DCDC1: variants seen among roughly 807,000 people sequenced by gnomAD.
DCDC1 encodes doublecortin domain-containing protein 1.
Under a neutral mutation model 178.3 loss-of-function variants are expected in DCDC1, and 200 were observed. The ratio of observed to expected loss-of-function variants is 1.12; its 90% CI spans 1.00 to 1.26. The LOEUF (loss-of-function observed/expected upper bound fraction) is 1.26. DCDC1 is among the 50% of genes most tolerant of loss of function. The pLI, the probability that DCDC1 is intolerant of heterozygous loss-of-function variation, is 0.00. For missense variants in DCDC1, 1,983 were observed against 1,749.2 expected (o/e 1.13, Z -2.38); for synonymous variants, 690 against 604.8 (o/e 1.14, Z -2.07).
intron 9 of DCDC1, among the ~76,000 whole-genome samples, chr11:31,221,858 T>C (rs548327454): frequency 6.6e-6 from 1 of 152,272 alleles, no homozygotes; most frequent in East Asian, 1.9e-4. Context: ...TTCTTTCAAT[T>C]CATCTCTCTC....
chr11:31,261,761 T>G (rs549819183), intron 8 of DCDC1, among the ~76,000 whole-genome samples: 56 of 152,336 alleles, frequency 3.7e-4, no homozygotes, highest in African/African-American at 1.2e-3. Context: ...GTTGACCATC[T>G]GTAGGAATAT....
At chr11:31,040,693 T>C (rs1422464231) in intron 20 of DCDC1, among the ~76,000 whole-genome samples, 1 of 152,202 alleles carries the variant, frequency 6.6e-6, no homozygotes, top group Non-Finnish European at 1.5e-5. Context: ...CTGAGAAATG[T>C]TGGTGCTAAA....
chr11:30,948,989 C>T (rs561990583), intron 21 of DCDC1, among the ~76,000 whole-genome samples: 36 of 152,192 alleles, frequency 2.4e-4, no homozygotes, highest in African/African-American at 7.7e-4. Flanking sequence ...GGCAACAAAG[C>T]CAAAATAGAC....
chr11:31,363,262 C>A (rs1951797905), intron 1 of DCDC1, among the ~76,000 whole-genome samples: 1 of 152,028 alleles, frequency 6.6e-6, no homozygotes, highest in East Asian at 1.9e-4. Flanking sequence ...AGTGAGCACA[C>A]AACATTTTAT....
At chr11:30,885,701 T>C (rs754249808) in intron 36 of DCDC1, among the ~76,000 whole-genome samples, 55 of 152,232 alleles carry the variant, frequency 3.6e-4, no homozygotes, top group African/African-American at 1.3e-3. Flanking sequence ...TCTTCATGTA[T>C]ACAACAGGTG....
At chr11:31,168,106 T>C (rs994311975) in intron 9 of DCDC1, among the ~76,000 whole-genome samples, 3 of 152,208 alleles carry the variant, frequency 2.0e-5, no homozygotes, top group African/African-American at 7.2e-5. Context: ...CCTTTGTGAA[T>C]CATGCTTTGA....
intron 11 of DCDC1, among the ~76,000 whole-genome samples, chr11:31,115,984 G>A (rs894590237): frequency 8.9e-6 from 1 of 111,820 alleles, no homozygotes; most frequent in South Asian, 2.7e-4. Flanking sequence ...GTGGCAGTGG[G>A]GGGGGGGGGG....
chr11:31,193,527 A>G (rs1352271686), intron 9 of DCDC1, among the ~76,000 whole-genome samples: 1 of 152,058 alleles, frequency 6.6e-6, no homozygotes, highest in Non-Finnish European at 1.5e-5. Flanking sequence ...TTTTGGTCCC[A>G]CTTCTGTTTC....
Position 30,947,857 on chromosome 11 carries a change from A to G in DCDC1, c.2715+4588T>C, listed in dbSNP as rs145727588. Among the ~76,000 whole-genome samples, 997 of 152,190 alleles carry G rather than the reference A, an allele frequency of 6.6e-3. 7 individuals are homozygous for G. Among genetic ancestry groups the G allele is most frequent in the African/African-American group, 0.023 (953 of 41,534 alleles). On this transcript the variant is annotated intron_variant, in intron 21 of 38. Coordinates refer to ENST00000684477, the MANE Select transcript of DCDC1 (RefSeq NM_001387274.1). ...ATAACTAGAATGCATAAGCTAAAAC[A>G]ACTCAATAGGAAAAAAAAATCAAAT...
chr11:31,134,043 T>C (rs1370450036), intron 10 of DCDC1, among the ~76,000 whole-genome samples: 1 of 152,208 alleles, frequency 6.6e-6, no homozygotes, highest in African/African-American at 2.4e-5. Context: ...AGAACCCTTC[T>C]GAGATGAGAA....
chr11:31,245,898 T>C (rs934999101), intron 8 of DCDC1, among the ~76,000 whole-genome samples: 1 of 151,968 alleles, frequency 6.6e-6, no homozygotes, highest in Non-Finnish European at 1.5e-5. Flanking sequence ...TCATCACTGA[T>C]AAGAAGTGTG....
intron 9 of DCDC1, among the ~76,000 whole-genome samples, chr11:31,218,402 C>T (rs948727789): frequency 1.3e-5 from 2 of 152,104 alleles, no homozygotes; most frequent in African/African-American, 4.8e-5. Flanking sequence ...ATCCAACTTT[C>T]TATGTTTCCA....
chr11:31,075,605 G>GT (rs1956818369), intron 18 of DCDC1, among the ~76,000 whole-genome samples: 1 of 152,034 alleles, frequency 6.6e-6, no homozygotes, highest in Non-Finnish European at 1.5e-5. Flanking sequence ...AGTGTAACAA[G>GT]TATCTTGTTT....
chr11:31,172,771 C>T (rs997366024), intron 9 of DCDC1, among the ~76,000 whole-genome samples: 1 of 152,102 alleles, frequency 6.6e-6, no homozygotes, highest in African/African-American at 2.4e-5. Context: ...GATCTTCATC[C>T]TCATCTTCCT....
chr11:30,898,058 A>G (rs902024562), intron 34 of DCDC1, among the ~76,000 whole-genome samples: 1 of 152,176 alleles, frequency 6.6e-6, no homozygotes, highest in African/African-American at 2.4e-5. Flanking sequence ...GCTCAGAGTT[A>G]AGAAAGCGCA....
In DCDC1 at chr11:30,878,795, G is replaced by T; in HGVS notation, c.5234-84C>A. The T allele has an allele frequency of 3.0e-6, 4 of 1,332,088 alleles. No individual in the cohort carries two copies. In the South Asian group the frequency reaches 6.3e-5, roughly 21 times the overall value. The allele number at this position is 1,332,088 out of a possible 1,614,324, so 82.5% of individuals were successfully genotyped here. ...AAAAGTCCAGGATGATGAAAAACTT[G>T]AAGACCCCTCACAAATCCTTGGCTC... On this transcript the variant is annotated intron_variant, in intron 37 of 38. Transcript: ENST00000684477.
intron 2 of DCDC1, among the ~76,000 whole-genome samples, chr11:31,330,652 C>T (rs563391381): frequency 6.6e-6 from 1 of 152,014 alleles, no homozygotes; most frequent in Non-Finnish European, 1.5e-5. Flanking sequence ...TATTAAATAG[C>T]GAATTCTTTC....
chr11:31,163,518 A>T (rs1966504141), intron 9 of DCDC1, among the ~76,000 whole-genome samples: 1 of 152,180 alleles, frequency 6.6e-6, no homozygotes, highest in African/African-American at 2.4e-5. Flanking sequence ...TGGTTTAAAT[A>T]ATGTTCACAT....
At chr11:31,357,013 G>A (rs549511916) in intron 1 of DCDC1, among the ~76,000 whole-genome samples, 1 of 150,846 alleles carries the variant, frequency 6.6e-6, no homozygotes, top group East Asian at 1.9e-4. Context: ...GAGGTACAAG[G>A]AGGAACTGGT....
Sources: allele counts gnomAD v4.1 joint callset (sites outside exome capture counted in the v4.1 genomes callset), GRCh38; gene constraint gnomAD v4.1.1; transcripts MANE v1.5; gene names NCBI Gene and HGNC (gene_info 2026-07-23, HGNC 2026-07-21).